Variants in SLC25A21 observed in about 807,000 individuals in gnomAD.
The protein encoded by SLC25A21 is mitochondrial 2-oxodicarboxylate carrier.
A neutral mutation model predicts 43.8 loss-of-function variants in SLC25A21; 47 were observed. That is an observed-to-expected ratio of 1.07 (90% CI 0.85 to 1.37). The LOEUF (loss-of-function observed/expected upper bound fraction) is 1.37. Ranked by LOEUF, SLC25A21 falls within the 40% of genes most tolerant of loss-of-function variation. The pLI, the probability that SLC25A21 is intolerant of heterozygous loss-of-function variation, is 0.00. For synonymous variants in SLC25A21, 131 were observed against 121.3 expected, an observed-to-expected ratio of 1.08 and a Z score of -0.52; for missense variants, 352 against 350.2, an observed-to-expected ratio of 1.00 and a Z score of -0.04.
At chr14:36,973,618 G>C (rs1185585387) in intron 1 of SLC25A21, among the ~76,000 whole-genome samples, 1 of 152,236 alleles carries the variant, frequency 6.6e-6, no homozygotes, top group Non-Finnish European at 1.5e-5. Flanking sequence ...CAATCTCCTA[G>C]AGTTGAAAAG....
intron 1 of SLC25A21, among the ~76,000 whole-genome samples, chr14:37,120,621 T>C (rs1355140522): frequency 6.6e-6 from 1 of 152,104 alleles, no homozygotes; most frequent in African/African-American, 2.4e-5. Context: ...CTTGGGCCCT[T>C]GAACCAAAAG....
chr14:36,964,842 C>T (rs61989474), intron 1 of SLC25A21, among the ~76,000 whole-genome samples: 86 of 152,240 alleles, frequency 5.6e-4, no homozygotes, highest in South Asian at 1.5e-3. Flanking sequence ...ATTACAAACT[C>T]GCTTGTGATG....
chr14:36,906,614 T>A (rs2138605740), intron 1 of SLC25A21, among the ~76,000 whole-genome samples: 1 of 152,044 alleles, frequency 6.6e-6, no homozygotes, highest in East Asian at 1.9e-4. Context: ...CAAGCTATTC[T>A]CCTGCCTCAG....
chr14:36,702,405 G>A (rs1357171310), intron 7 of SLC25A21, among the ~76,000 whole-genome samples: 1 of 147,128 alleles, frequency 6.8e-6, no homozygotes, highest in African/African-American at 2.5e-5. Flanking sequence ...TTGGTAGGCC[G>A]AGGCAGGAGG....
intron 1 of SLC25A21, among the ~76,000 whole-genome samples, chr14:37,113,269 C>T (rs1227213383): frequency 2.0e-5 from 3 of 152,152 alleles, no homozygotes; most frequent in Admixed American, 2.0e-4. Context: ...ATACAAACAT[C>T]TCTACCTTGC....
chr14:36,847,668 A>C (rs184161502), intron 2 of SLC25A21, among the ~76,000 whole-genome samples: 45 of 152,246 alleles, frequency 3.0e-4, no homozygotes, highest in Admixed American at 2.4e-3. Flanking sequence ...AAAGGTTCCT[A>C]GAATTTGAGA....
intron 2 of SLC25A21, among the ~76,000 whole-genome samples, chr14:36,854,049 A>G (rs17105523): frequency 6.6e-6 from 1 of 152,160 alleles, no homozygotes; most frequent in Non-Finnish European, 1.5e-5. Flanking sequence ...TAAAGTTGGG[A>G]TAGATCATTC....
At position 36,966,172 on chromosome 14, in the gene SLC25A21, A is replaced by G. The variant is rs933262975; in HGVS notation, c.71-91168T>C. Among the ~76,000 whole-genome samples the G allele has an allele frequency of 3.0e-4, 46 of 152,212 alleles. 1 individual carries two copies. Among genetic ancestry groups the G allele is most frequent in the Non-Finnish European group, 1.2e-4 (8 of 68,032 alleles). On this transcript the variant is annotated intron_variant, in intron 1 of 9. Coordinates refer to ENST00000331299, the MANE Select transcript of SLC25A21 (RefSeq NM_030631.4). ...AGCCATGACCAACAGCAAAATTTCC[A>G]TTTCCAAGGTAGCTTCTCTCTTCCC...
At chr14:37,041,329 G>C (rs1436032157) in intron 1 of SLC25A21, among the ~76,000 whole-genome samples, 2 of 151,982 alleles carry the variant, frequency 1.3e-5, no homozygotes, top group African/African-American at 4.8e-5. Flanking sequence ...TCTATAATTA[G>C]CCATCTGTTA....
At chr14:37,029,780 T>TTTTTC (rs1961170339) in intron 1 of SLC25A21, among the ~76,000 whole-genome samples, 1 of 132,708 alleles carries the variant, frequency 7.5e-6, no homozygotes, top group African/African-American at 3.3e-5. Flanking sequence ...TTTTTTTTTT[T>TTTTTC]TTGAGACAGA....
At chr14:36,752,095 C>T (rs968669078) in intron 3 of SLC25A21, among the ~76,000 whole-genome samples, 5 of 152,052 alleles carry the variant, frequency 3.3e-5, no homozygotes, top group African/African-American at 7.3e-5. Context: ...GGGAGCCAGG[C>T]GAAGAACAGG....
rs141672232 is a variant in SLC25A21, at chr14:37,021,458, T to C, written c.71-146454A>G. Among the ~76,000 whole-genome samples, 312 of 152,072 alleles carry C rather than the reference T, an allele frequency of 2.1e-3. 4 individuals carry two copies. Among genetic ancestry groups the C allele is most frequent in the Admixed American group, 0.016 (240 of 15,240 alleles). ...AAAAGACAATTGCTCTGATCAATAA[T>C]ATATTCTATTTTTACGAAACATAGC... On this transcript the variant is annotated intron_variant, in intron 1 of 9. Transcript: ENST00000331299.
At chr14:36,771,794 G>A (rs1335624170) in intron 3 of SLC25A21, among the ~76,000 whole-genome samples, 5 of 150,930 alleles carry the variant, frequency 3.3e-5, no homozygotes, top group Admixed American at 6.6e-5. Context: ...TTTATTAAAA[G>A]GGCATTTTAA....
At chr14:36,844,430 G>A (rs1889480374) in intron 2 of SLC25A21, among the ~76,000 whole-genome samples, 1 of 152,186 alleles carries the variant, frequency 6.6e-6, no homozygotes, top group Non-Finnish European at 1.5e-5. Context: ...AGCACACAAG[G>A]GGAGAATCCA....
intron 1 of SLC25A21, among the ~76,000 whole-genome samples, chr14:37,092,220 G>C (rs1187806482): frequency 1.3e-5 from 2 of 152,126 alleles, no homozygotes; most frequent in African/African-American, 4.8e-5. Flanking sequence ...AGAATTCCTT[G>C]TAACATGGTA....
intron 2 of SLC25A21, among the ~76,000 whole-genome samples, chr14:36,827,302 C>T (rs1222824805): frequency 6.6e-6 from 1 of 152,072 alleles, no homozygotes; most frequent in Non-Finnish European, 1.5e-5. Context: ...GCTCTGGTGG[C>T]ATTGCACTAT....
chr14:36,933,586 C>T (rs1174121852), intron 1 of SLC25A21, among the ~76,000 whole-genome samples: 1 of 152,064 alleles, frequency 6.6e-6, no homozygotes, highest in Non-Finnish European at 1.5e-5. Context: ...AATTGTTTGG[C>T]TAAAATACTC....
chr14:36,897,242 T>C (rs1010670918), intron 1 of SLC25A21, among the ~76,000 whole-genome samples: 5 of 152,184 alleles, frequency 3.3e-5, no homozygotes, highest in African/African-American at 4.8e-5. Context: ...TCATTTCTTT[T>C]TATTCTTTTT....
At chr14:36,888,039 G>C (rs1241916104) in intron 1 of SLC25A21, among the ~76,000 whole-genome samples, 1 of 152,108 alleles carries the variant, frequency 6.6e-6, no homozygotes, top group East Asian at 1.9e-4. Context: ...GCCATGGTGG[G>C]AGTATTTACA....
Sources: gnomAD v4.1 joint callset for allele counts (sites outside exome capture counted in the v4.1 genomes callset) on GRCh38, gnomAD v4.1.1 for gene constraint, MANE v1.5 for transcripts, NCBI Gene and HGNC (gene_info 2026-07-23, HGNC 2026-07-21) for gene names.